MCM8: variants seen among roughly 807,000 people sequenced by gnomAD.
The protein encoded by MCM8 is minichromosome maintenance 8 homologous recombination repair factor, also known as DNA helicase MCM8.
Under a neutral mutation model 98.9 loss-of-function variants are expected in MCM8, and 85 were observed. The ratio of observed to expected loss-of-function variants is 0.86; its 90% CI spans 0.72 to 1.03. The LOEUF (loss-of-function observed/expected upper bound fraction) is 1.03, where lower values mean the gene tolerates loss of function less well. Ranked by LOEUF, MCM8 falls within the 50% of genes least tolerant of loss-of-function variation. MCM8 has a pLI of 0.00. For synonymous variants in MCM8, 352 were observed against 338.6 expected (o/e 1.04, Z -0.44); for missense variants, 951 against 997.8 (o/e 0.95, Z 0.63).
intron 3 of MCM8, among the ~76,000 whole-genome samples, chr20:5,952,942 T>A (rs914534619): frequency 6.6e-6 from 1 of 152,198 alleles, no homozygotes. Context: ...TTTTGACTTT[T>A]GAGGGGCACC....
Position 5,995,659 on chromosome 20 carries a change from C to T in MCM8, c.*1268C>T, listed in dbSNP as rs1247278399. 6.6e-6 allele frequency: 1 copy of T among 152,192 alleles called. No individual in the cohort carries two copies. The highest frequency in any genetic ancestry group is 2.4e-5 in the African/African-American group (1 of 41,432). 9.4% of individuals were successfully genotyped at this position (152,192 alleles called of 1,614,324 possible). A position where few individuals can be genotyped will look rare whatever the true frequency, so the allele number is the denominator to read the frequency against. On this transcript the variant is annotated 3_prime_UTR_variant, in exon 19 of 19. Transcript: ENST00000610722. ...CTTTCATAGGCTGCTAGGGAGTTTT[C>T]CTGGTTCTACTTTCAGGTGGTGGGA...
rs1555791183 is a variant in MCM8, at chr20:5,994,478, G to GACAGAC, written c.*90_*91insGACACA. On this transcript the variant is annotated 3_prime_UTR_variant, in exon 19 of 19. Transcript: ENST00000610722. ...ATATGCGTGCACGCACAGACAGACA[G>GACAGAC]ACACACACACACACACACACACACA... is the stretch of plus-strand genomic sequence containing the variant. 1.4e-4 allele frequency: 54 copies of GACAGAC among 384,458 alleles called. No individual in the cohort carries two copies. The highest frequency in any genetic ancestry group is 4.9e-4 in the African/African-American group (21 of 43,272). 23.8% of individuals were successfully genotyped at this position (384,458 alleles called of 1,614,324 possible).
At position 5,977,970 on chromosome 20, in the gene MCM8, C is replaced by T. The variant is rs935058004; in HGVS notation, c.1490C>T (p.Ser497Phe). Reference sequence around the variant, plus strand: ...GTAACTCTTTCAAAAGATAGTTCCTCTGGAGATTTTGCTTTGGAAGCTGGT... The same window carrying T: ...GTAACTCTTTCAAAAGATAGTTCCTTTGGAGATTTTGCTTTGGAAGCTGGT... ...LTVTLSKDSS[S>F]GDFALEAGAL... The change falls in exon 13 of 19, where the codon TCT becomes TTT. Residue 497 changes from serine (S) to phenylalanine (F), a missense_variant. Coordinates refer to ENST00000610722, the MANE Select transcript of MCM8 (RefSeq NM_032485.6). The T allele has an allele frequency of 8.1e-6, 13 of 1,614,114 alleles. No individual in the cohort carries two copies. The highest frequency in any genetic ancestry group is 1.0e-5 in the Non-Finnish European group (12 of 1,180,046).
At position 5,998,933 on chromosome 20, in the gene MCM8, C is replaced by G. The variant is rs2089990342; in HGVS notation, c.*4542C>G. The G allele has an allele frequency of 2.0e-5, 3 of 151,962 alleles. No individual in the cohort carries two copies. Among genetic ancestry groups the G allele is most frequent in the South Asian group, 2.1e-4 (1 of 4,822 alleles). 9.4% of individuals were successfully genotyped at this position (151,962 alleles called of 1,614,324 possible). A position where few individuals can be genotyped will look rare whatever the true frequency, so the allele number is the denominator to read the frequency against. On this transcript the variant is annotated 3_prime_UTR_variant, in exon 19 of 19. Transcript: ENST00000610722. ...TCAGTTTTTCTATACCATGGAGTTACTTACCATGTGTATACATAACACTGA... is the reference window on the plus strand; with the variant it reads ...TCAGTTTTTCTATACCATGGAGTTAGTTACCATGTGTATACATAACACTGA...
chr20:5,956,548 C>T (rs1209570249), intron 5 of MCM8, among the ~76,000 whole-genome samples: 1 of 152,186 alleles, frequency 6.6e-6, no homozygotes, highest in East Asian at 1.9e-4. Context: ...CATGCACTGC[C>T]ACACTTGGCT....
intron 12 of MCM8, among the ~76,000 whole-genome samples, chr20:5,975,197 T>C (rs1287566599): frequency 6.6e-6 from 1 of 151,192 alleles, no homozygotes; most frequent in Non-Finnish European, 1.5e-5. Flanking sequence ...AGTTGGAGAA[T>C]GCAGGGAGCC....
chr20:5,981,651 G>GC, intron 13 of MCM8, among the ~76,000 whole-genome samples: 1 of 152,188 alleles, frequency 6.6e-6, no homozygotes, highest in Non-Finnish European at 1.5e-5. Context: ...CAGAGCAGCC[G>GC]TTATTATACA....
rs748664556 is a variant in MCM8 at position 5,977,838 on chromosome 20, T to C, written c.1396-38T>C. On this transcript the variant is annotated intron_variant, in intron 12 of 18. Transcript: ENST00000610722. The stretch of plus-strand genomic sequence containing the variant: ...CTGCTGTTAGCTATTACTTCCCTTT[T>C]ACTTTGGATGATTCTCTTAAACTTT... 11 of 1,606,998 alleles carry C rather than the reference T, an allele frequency of 6.8e-6. No homozygotes were observed. The Admixed American group carries it at 1.3e-4, about 20-fold the overall frequency.
At chr20:5,974,606 A>C (rs556063665) in intron 12 of MCM8, among the ~76,000 whole-genome samples, 1 of 152,306 alleles carries the variant, frequency 6.6e-6, no homozygotes, top group Non-Finnish European at 1.5e-5. Flanking sequence ...ACCATAGCCC[A>C]CTGCAAGCCA....
rs553601843 is a variant in MCM8, at chr20:5,998,705, A to G, written c.*4314A>G. 2 of 152,360 alleles carry G rather than the reference A, an allele frequency of 1.3e-5. No homozygotes were observed. Among genetic ancestry groups the G allele is most frequent in the South Asian group, 4.1e-4 (2 of 4,832 alleles). 9.4% of individuals were successfully genotyped at this position (152,360 alleles called of 1,614,324 possible). On this transcript the variant is annotated 3_prime_UTR_variant, in exon 19 of 19. Coordinates refer to ENST00000610722, the MANE Select transcript of MCM8 (RefSeq NM_032485.6). ...GCTACAGTAGTTTGTGTTTCCTGCAACTAATCACTCATACATCTGTATCTA... is the reference window on the plus strand; with the variant it reads ...GCTACAGTAGTTTGTGTTTCCTGCAGCTAATCACTCATACATCTGTATCTA...
In MCM8 at chr20:5,994,734, T is replaced by A. The variant is rs1045176455; in HGVS notation, c.*343T>A. On this transcript the variant is annotated 3_prime_UTR_variant, in exon 19 of 19. Coordinates refer to ENST00000610722, the MANE Select transcript of MCM8 (RefSeq NM_032485.6). ...GGCAACATAGCAAGACCCCATTTCT[T>A]AAAAAAAAAAAAAAAAAATTTAAAC... 15 of 409,198 alleles carry A rather than the reference T, an allele frequency of 3.7e-5. No individual in the cohort carries two copies. The highest frequency in any genetic ancestry group is 2.0e-4 in the African/African-American group (9 of 44,506). 25.3% of individuals were successfully genotyped at this position (409,198 alleles called of 1,614,324 possible).
intron 5 of MCM8, 49 bp downstream of exon 5, chr20:5,955,300 GCACA>G (rs772019525): frequency 2.3e-5 from 34 of 1,474,146 alleles, no homozygotes; most frequent in Non-Finnish European, 2.6e-5. Context: ...TTTAATGTTT[GCACA>G]CACATGCACA....
chr20:5,997,702 C>G lies in MCM8; in HGVS notation c.*3311C>G, dbSNP rs1056239413. On this transcript the variant is annotated 3_prime_UTR_variant, in exon 19 of 19. Transcript: ENST00000610722. ...TGATCAAGCCGTGATCTCCTGGGCT[C>G]AAGCAATCCTCCTACCTCAGCCTCC... 1 of 152,314 alleles carries G rather than the reference C, an allele frequency of 6.6e-6. No individual in the cohort carries two copies. The highest frequency in any genetic ancestry group is 1.5e-5 in the Non-Finnish European group (1 of 68,130). 9.4% of individuals were successfully genotyped at this position (152,314 alleles called of 1,614,324 possible).
chr20:5,958,512 C>T lies in MCM8; in HGVS notation c.591-16C>T. 1.3e-6 allele frequency: 2 copies of T among 1,593,230 alleles called. No homozygotes were observed. The highest frequency in any genetic ancestry group is 1.1e-5 in the South Asian group (1 of 88,966). ...AACATCAATTTTCTGTTCATTACTT[C>T]CTGTTTTGTCTTTAGGGTGTACAAC... On this transcript the variant is annotated splice_polypyrimidine_tract_variant and intron_variant, in intron 6 of 18. Transcript: ENST00000610722.
chr20:5,986,263 A>G (rs2089733122), intron 16 of MCM8, 132 bp downstream of exon 16: 3 of 768,044 alleles, frequency 3.9e-6, no homozygotes, highest in Non-Finnish European at 6.2e-6. Flanking sequence ...AAATGGATGG[A>G]TGAAAGTTTT....
chr20:5,986,277 A>G, intron 16 of MCM8, 146 bp downstream of exon 16: 1 of 699,808 alleles, frequency 1.4e-6, no homozygotes, highest in Non-Finnish European at 2.4e-6. Context: ...AAGTTTTTTA[A>G]AAGATTTTGT....
At chr20:5,959,690 CTTTTT>C in intron 7 of MCM8, among the ~76,000 whole-genome samples, 1 of 65,198 alleles carries the variant, frequency 1.5e-5, no homozygotes, top group East Asian at 4.7e-4. Context: ...GTAGGCTGTA[CTTTTT>C]TTTTTTTTTT....
rs2089054459 is a variant in MCM8, at chr20:5,958,694, C to G, written c.757C>G (p.Leu253Val). Residue 253 changes from leucine (L) to valine (V), a missense_variant, in exon 7 of 19, where the codon CTT (leucine) becomes GTT (valine). Coordinates refer to ENST00000610722, the MANE Select transcript of MCM8 (RefSeq NM_032485.6). ...ATGTGGAGAAATTCAGAGCTTTCCT[C>G]TTCCAGATGGAAAATACAGTCTTCC... ...AACGEIQSFP[L>V]PDGKYSLPTK... 1.9e-6 allele frequency: 3 copies of G among 1,614,062 alleles called. No homozygotes were observed. Among genetic ancestry groups the G allele is most frequent in the African/African-American group, 1.3e-5 (1 of 74,934 alleles).
chr20:5,961,977 ATGATATC>A (rs1568574409), intron 7 of MCM8, among the ~76,000 whole-genome samples: 1 of 152,164 alleles, frequency 6.6e-6, no homozygotes, highest in Non-Finnish European at 1.5e-5. Flanking sequence ...ATTAGTTCTC[ATGATATC>A]TGTGGATCAG....
Sources: gnomAD v4.1 joint callset for allele counts (sites outside exome capture counted in the v4.1 genomes callset) on GRCh38, gnomAD v4.1.1 for gene constraint, MANE v1.5 for transcripts, NCBI Gene and HGNC (gene_info 2026-07-23, HGNC 2026-07-21) for gene names.